PTPRN2: variants seen among roughly 807,000 people sequenced by gnomAD.
The protein encoded by PTPRN2 is receptor-type tyrosine-protein phosphatase N2.
Under a neutral mutation model 118.8 loss-of-function variants are expected in PTPRN2, and 74 were observed. That is an observed-to-expected ratio of 0.62 (90% CI 0.52 to 0.76). PTPRN2 has a LOEUF of 0.76. Among genes scored for constraint, PTPRN2 ranks in the 30% least tolerant of loss-of-function variants. The probability of loss-of-function intolerance (pLI) is 0.00; values close to 1 mark genes in which losing one functional copy is unlikely to be tolerated. For missense variants in PTPRN2, 1,481 were observed against 1,394.4 expected (o/e 1.06, Z -0.99); for synonymous variants, 641 against 608.0 (o/e 1.05, Z -0.80).
chr7:157,983,702 T>C (rs1803493952), intron 11 of PTPRN2, among the ~76,000 whole-genome samples: 1 of 152,214 alleles, frequency 6.6e-6, no homozygotes, highest in Non-Finnish European at 1.5e-5. Flanking sequence ...GAGTGTAGGC[T>C]TGAGACCGTG....
intron 13 of PTPRN2, among the ~76,000 whole-genome samples, chr7:157,657,749 CAT>C (rs1323557677): frequency 3.5e-4 from 41 of 117,074 alleles, no homozygotes; most frequent in African/African-American, 1.3e-3. Context: ...TATACACACA[CAT>C]ACACCACACA....
In PTPRN2 at chr7:157,800,362, T is replaced by C. The variant is rs1805185887; in HGVS notation, c.1788+98311A>G. On this transcript the variant is annotated intron_variant, in intron 12 of 22. Transcript: ENST00000389418. Reference sequence around the variant, plus strand: ...ACCTTACTAGAAATTACCCGGTCACTATAGTGCCTGTCCCTTCTCCGCGAC... The same window carrying C: ...ACCTTACTAGAAATTACCCGGTCACCATAGTGCCTGTCCCTTCTCCGCGAC... 3.3e-5 allele frequency among the ~76,000 whole-genome samples: 5 copies of C among 152,320 alleles called. No homozygotes were observed. In the South Asian group the frequency reaches 1.0e-3, roughly 32 times the overall value.
At chr7:157,909,244 T>C (rs961249076) in intron 11 of PTPRN2, among the ~76,000 whole-genome samples, 2 of 152,252 alleles carry the variant, frequency 1.3e-5, no homozygotes, top group African/African-American at 4.8e-5. Context: ...TATGAACATA[T>C]ATTTTTCAAA....
chr7:157,789,571 C>CT (rs1804297556), intron 12 of PTPRN2, among the ~76,000 whole-genome samples: 1 of 152,220 alleles, frequency 6.6e-6, no homozygotes, highest in South Asian at 2.1e-4. Context: ...CAGCCACACA[C>CT]CAGGTGGCTC....
At chr7:157,973,638 T>G (rs1802509096) in intron 11 of PTPRN2, among the ~76,000 whole-genome samples, 1 of 152,196 alleles carries the variant, frequency 6.6e-6, no homozygotes, top group Admixed American at 6.5e-5. Flanking sequence ...CCTCACTGGA[T>G]TAGATGGCTC....
intron 12 of PTPRN2, among the ~76,000 whole-genome samples, chr7:157,766,342 T>C (rs981154649): frequency 1.4e-5 from 2 of 139,672 alleles, no homozygotes; most frequent in Non-Finnish European, 3.0e-5. Context: ...CCTTCATCCA[T>C]CCATCCATCA....
intron 5 of PTPRN2, among the ~76,000 whole-genome samples, chr7:158,171,028 C>CATACAT: frequency 7.0e-6 from 1 of 143,818 alleles, no homozygotes; most frequent in South Asian, 2.2e-4. Flanking sequence ...TATATATACA[C>CATACAT]ATATATATAC....
intron 2 of PTPRN2, among the ~76,000 whole-genome samples, chr7:158,382,788 T>C (rs1212495091): frequency 2.0e-5 from 3 of 152,090 alleles, no homozygotes; most frequent in African/African-American, 7.2e-5. Flanking sequence ...CAAACACAGA[T>C]TAACATGAAC....
chr7:158,499,843 A>ATGTG lies in PTPRN2; in HGVS notation c.113-10062_113-10059dup, dbSNP rs35315549. 8.8e-4 allele frequency among the ~76,000 whole-genome samples: 130 copies of ATGTG among 147,584 alleles called. 1 individual carries two copies. Among genetic ancestry groups the ATGTG allele is most frequent in the Admixed American group, 2.4e-3 (36 of 14,766 alleles). ...TATACACACACCCTCCAGTGTGTGT[A>ATGTG]TGTGTGTGTGTGTGTGTATAATTTT... On this transcript the variant is annotated intron_variant, in intron 1 of 22. Transcript: ENST00000389418.
intron 21 of PTPRN2, among the ~76,000 whole-genome samples, chr7:157,555,584 G>T (rs555517669): frequency 4.3e-4 from 65 of 152,354 alleles, no homozygotes; most frequent in African/African-American, 1.5e-3. Flanking sequence ...TCATTCTTCC[G>T]CATGGCTTCC....
At chr7:158,083,167 T>C (rs1391856775) in intron 10 of PTPRN2, among the ~76,000 whole-genome samples, 13 of 152,136 alleles carry the variant, frequency 8.5e-5, no homozygotes, top group Admixed American at 2.0e-4. Context: ...CCAGACGTTT[T>C]ATAGATGTTT....
At chr7:157,759,408 G>A (rs987531786) in intron 12 of PTPRN2, among the ~76,000 whole-genome samples, 4 of 152,248 alleles carry the variant, frequency 2.6e-5, no homozygotes, top group African/African-American at 9.6e-5. Flanking sequence ...TCCGGCAGGT[G>A]GGAGAACCCG....
intron 2 of PTPRN2, among the ~76,000 whole-genome samples, chr7:158,444,497 G>C (rs1318973214): frequency 6.6e-6 from 1 of 152,226 alleles, no homozygotes; most frequent in Non-Finnish European, 1.5e-5. Context: ...CTGGGGGCAG[G>C]AATCTCTCTA....
intron 12 of PTPRN2, among the ~76,000 whole-genome samples, chr7:157,796,523 C>T (rs1213676636): frequency 6.6e-6 from 1 of 152,170 alleles, no homozygotes; most frequent in African/African-American, 2.4e-5. Flanking sequence ...GAGAAGGAAA[C>T]GTTAAAAATC....
chr7:158,337,618 GGAGACAC>G (rs1805925136), intron 2 of PTPRN2, among the ~76,000 whole-genome samples: 106 of 113,438 alleles, frequency 9.3e-4, no homozygotes, highest in African/African-American at 1.5e-3. Flanking sequence ...CACCATAAGA[GGAGACAC>G]CTGCAGACGT....
intron 14 of PTPRN2, among the ~76,000 whole-genome samples, chr7:157,651,993 C>T (rs888542685): frequency 6.6e-6 from 1 of 152,262 alleles, no homozygotes; most frequent in Non-Finnish European, 1.5e-5. Context: ...ACTGCACCTT[C>T]CCTGCGCCTG....
Position 158,570,988 on chromosome 7 carries a change from C to T in PTPRN2, c.112+16570G>A, listed in dbSNP as rs1358865459. On this transcript the variant is annotated intron_variant, in intron 1 of 22. Transcript: ENST00000389418. The surrounding 1 kb of genome is among the most constrained non-coding windows in gnomAD (Gnocchi z 4.5). Reference sequence around the variant, plus strand: ...CATACGCAGGAGCCTTCCCAGCAGCCGCCGCCATGGCTGACGCACTGGCAG... The same window carrying T: ...CATACGCAGGAGCCTTCCCAGCAGCTGCCGCCATGGCTGACGCACTGGCAG... 1.3e-5 allele frequency among the ~76,000 whole-genome samples: 2 copies of T among 152,254 alleles called. No individual in the cohort carries two copies. The highest frequency in any genetic ancestry group is 4.8e-5 in the African/African-American group (2 of 41,466).
intron 12 of PTPRN2, among the ~76,000 whole-genome samples, chr7:157,891,360 C>G (rs1584961554): frequency 6.6e-6 from 1 of 152,004 alleles, no homozygotes; most frequent in Non-Finnish European, 1.5e-5. Context: ...TCACCCATCT[C>G]AGTTCTGCCC....
intron 18 of PTPRN2, among the ~76,000 whole-genome samples, chr7:157,577,251 G>A (rs1289698546): frequency 4.6e-5 from 7 of 152,166 alleles, no homozygotes; most frequent in Non-Finnish European, 1.0e-4. Context: ...ACGGAGTCGC[G>A]CTGATGTGAA....
Sources: gnomAD v4.1 joint callset for allele counts (sites outside exome capture counted in the v4.1 genomes callset) on GRCh38, gnomAD v4.1.1 for gene constraint, Gnocchi (gnomAD v3.1) non-coding constraint, MANE v1.5 for transcripts, NCBI Gene and HGNC (gene_info 2026-07-23, HGNC 2026-07-21) for gene names.